The following PAPPA variants were observed in gnomAD, a reference collection of about 807,000 sequenced individuals.
PAPPA encodes the protein pappalysin 1.
In PAPPA, 60 loss-of-function variants were observed where a neutral mutation model predicts 164.0. The ratio of observed to expected loss-of-function variants is 0.37; its 90% CI spans 0.30 to 0.45. The LOEUF (loss-of-function observed/expected upper bound fraction) is 0.45, where lower values mean the gene tolerates loss of function less well. Among genes scored for constraint, PAPPA ranks in the 20% least tolerant of loss-of-function variants. PAPPA has a pLI of 1.00. For synonymous variants in PAPPA, 875 were observed against 814.1 expected (o/e 1.07, Z -1.27); for missense variants, 1,782 against 2,087.3 (o/e 0.85, Z 2.85).
chr9:116,222,415 T>C (rs1386558314), intron 5 of PAPPA, among the ~76,000 whole-genome samples: 1 of 152,138 alleles, frequency 6.6e-6, no homozygotes, highest in Non-Finnish European at 1.5e-5. Context: ...ATTTTCAACT[T>C]ACCGTATTTT....
At chr9:116,315,374 G>A (rs1845775452) in intron 10 of PAPPA, among the ~76,000 whole-genome samples, 1 of 152,190 alleles carries the variant, frequency 6.6e-6, no homozygotes, top group Non-Finnish European at 1.5e-5. Flanking sequence ...AGTGAGAAGG[G>A]TTGTTTGGTA....
chr9:116,395,202 A>G (rs1352483290), intron 21 of PAPPA, among the ~76,000 whole-genome samples: 2 of 152,208 alleles, frequency 1.3e-5, no homozygotes, highest in Non-Finnish European at 2.9e-5. Flanking sequence ...AGTAGATGAG[A>G]GAGCTGGGGC....
intron 7 of PAPPA, among the ~76,000 whole-genome samples, chr9:116,237,096 T>G (rs1256943055): frequency 6.6e-6 from 1 of 152,216 alleles, no homozygotes; most frequent in Admixed American, 6.5e-5. Flanking sequence ...AAGCCAATCA[T>G]TAATGGGAAC....
At chr9:116,312,288 C>CTTTTTTTTTTTTTTTTTTTTTTT (rs5900201) in intron 10 of PAPPA, among the ~76,000 whole-genome samples, 20 of 129,636 alleles carry the variant, frequency 1.5e-4, no homozygotes, top group Non-Finnish European at 2.3e-4. Flanking sequence ...TTCTTTCTTT[C>CTTTTTTTTTTTTTTTTTTTTTTT]TTTTTTTTTT....
At chr9:116,174,322 A>G (rs955534953) in intron 1 of PAPPA, among the ~76,000 whole-genome samples, 1 of 151,874 alleles carries the variant, frequency 6.6e-6, no homozygotes, top group African/African-American at 2.4e-5. Flanking sequence ...TGAAAGGCTC[A>G]CCCTAGGCTG....
chr9:116,248,639 T>G (rs1383129566), intron 7 of PAPPA, among the ~76,000 whole-genome samples: 2 of 152,172 alleles, frequency 1.3e-5, no homozygotes, highest in Non-Finnish European at 2.9e-5. Flanking sequence ...TCAAAATGTT[T>G]TGGTGCATTT....
At chr9:116,216,128 T>C (rs571343327) in intron 4 of PAPPA, among the ~76,000 whole-genome samples, 2 of 152,296 alleles carry the variant, frequency 1.3e-5, no homozygotes, top group South Asian at 2.1e-4. Context: ...CTATTATTAC[T>C]ATCATTATTT....
chr9:116,189,093 G>T (rs948360715), intron 2 of PAPPA, among the ~76,000 whole-genome samples: 1 of 152,148 alleles, frequency 6.6e-6, no homozygotes, highest in Non-Finnish European at 1.5e-5. Flanking sequence ...TTTGAGCAAG[G>T]TCTTCAAGAA....
At chr9:116,198,301 T>C (rs921584115) in intron 2 of PAPPA, among the ~76,000 whole-genome samples, 3 of 152,192 alleles carry the variant, frequency 2.0e-5, no homozygotes, top group Non-Finnish European at 4.4e-5. Context: ...TAGCAAGAGA[T>C]TCCTCAAGCC....
In PAPPA at chr9:116,187,822, G is replaced by A; in HGVS notation, c.1084G>A (p.Glu362Lys). ...GCGCTACCGCGTGGTCAACCTCTAT[G>A]AAGATGATCATAAGAACCCGACGGT... ...VVRYRVVNLY[E>K]DDHKNPTVTR... Residue 362 changes from glutamate to lysine, a missense_variant, in exon 2 of 22, where the codon GAA becomes AAA. Transcript: ENST00000328252. This position sits in a 1 kb window ranked among gnomAD's most constrained non-coding sequence, Gnocchi z 4.2. 6.2e-7 allele frequency: 1 copy of A among 1,614,250 alleles called. No homozygotes were observed.
Position 116,227,639 on chromosome 9 carries a change from G to T in PAPPA, c.2233+87G>T, listed in dbSNP as rs949801091. The T allele has an allele frequency of 7.1e-6, 10 of 1,402,616 alleles. No individual in the cohort carries two copies. In the African/African-American group the frequency reaches 1.3e-4, roughly 18 times the overall value. 86.9% of individuals were successfully genotyped at this position (1,402,616 alleles called of 1,614,324 possible). On this transcript the variant is annotated intron_variant, in intron 6 of 21. Transcript: ENST00000328252. ...GTATATGGGGTTTTATTATTTTTAT[G>T]GGTCTTTGCCATGTATCATTTCATT...
intron 1 of PAPPA, among the ~76,000 whole-genome samples, chr9:116,185,047 T>C (rs573402049): frequency 6.6e-6 from 1 of 152,188 alleles, no homozygotes; most frequent in African/African-American, 2.4e-5. Context: ...GAATAATCAC[T>C]ATTCACAGGG....
At chr9:116,290,102 A>G (rs1471574929) in intron 9 of PAPPA, among the ~76,000 whole-genome samples, 1 of 152,184 alleles carries the variant, frequency 6.6e-6, no homozygotes, top group Non-Finnish European at 1.5e-5. Context: ...GCATTATTTT[A>G]CTTTATCTTT....
chr9:116,304,810 T>C (rs1845623320), intron 10 of PAPPA, among the ~76,000 whole-genome samples: 1 of 152,192 alleles, frequency 6.6e-6, no homozygotes, highest in Admixed American at 6.5e-5. Flanking sequence ...TATTGAATTA[T>C]TCATTGTAAC....
chr9:116,163,659 T>C (rs1303909037), intron 1 of PAPPA, among the ~76,000 whole-genome samples: 1 of 152,206 alleles, frequency 6.6e-6, no homozygotes, highest in Admixed American at 6.5e-5. Context: ...CTTCCTTTTC[T>C]GGTGTATTTT....
At chr9:116,181,633 C>T (rs1843906408) in intron 1 of PAPPA, among the ~76,000 whole-genome samples, 1 of 152,188 alleles carries the variant, frequency 6.6e-6, no homozygotes, top group African/African-American at 2.4e-5. Flanking sequence ...AAATGGGAGG[C>T]AGCCAAAAGC....
intron 4 of PAPPA, 123 bp from the exon 5 acceptor site, chr9:116,219,814 G>T: frequency 1.4e-6 from 1 of 706,672 alleles, no homozygotes; most frequent in South Asian, 1.8e-5. Context: ...GAAGAGGCCA[G>T]CCCTGAGTTG....
chr9:116,170,924 C>A (rs954196683), intron 1 of PAPPA, among the ~76,000 whole-genome samples: 3 of 151,742 alleles, frequency 2.0e-5, no homozygotes, highest in Non-Finnish European at 2.9e-5. Flanking sequence ...GAACCTTATG[C>A]TTCCACATAG....
At chr9:116,174,755 T>A (rs1476097374) in intron 1 of PAPPA, among the ~76,000 whole-genome samples, 1 of 151,984 alleles carries the variant, frequency 6.6e-6, no homozygotes, top group African/African-American at 2.4e-5. Context: ...TAATAATACA[T>A]CTAAAATAAG....
Sources: allele counts gnomAD v4.1 joint callset (sites outside exome capture counted in the v4.1 genomes callset), GRCh38; gene constraint gnomAD v4.1.1; non-coding constraint Gnocchi (gnomAD v3.1); transcripts MANE v1.5; gene names NCBI Gene and HGNC (gene_info 2026-07-23, HGNC 2026-07-21).